Variants in ABLIM1 observed in about 807,000 individuals in gnomAD.
ABLIM1 encodes actin-binding LIM protein 1.
ABLIM1 carries 40 observed loss-of-function variants against 107.0 expected under a neutral mutation model. The ratio of observed to expected loss-of-function variants is 0.37; its 90% confidence interval spans 0.29 to 0.49. The LOEUF (loss-of-function observed/expected upper bound fraction) is 0.49, where lower values mean the gene tolerates loss of function less well. Ranked by LOEUF, ABLIM1 falls within the 20% of genes least tolerant of loss-of-function variation. ABLIM1 has a pLI of 0.97. For synonymous variants in ABLIM1, 357 were observed against 357.3 expected (o/e 1.00, Z 0.01); for missense variants, 857 against 1,008.5 (o/e 0.85, Z 2.04).
At chr10:114,717,411 A>G (rs1408172745) in intron 1 of ABLIM1, among the ~76,000 whole-genome samples, 1 of 152,200 alleles carries the variant, frequency 6.6e-6, no homozygotes, top group Non-Finnish European at 1.5e-5. Flanking sequence ...CAATTGCAGC[A>G]CTTTTGACAT....
intron 1 of ABLIM1, among the ~76,000 whole-genome samples, chr10:114,740,780 A>G (rs2082270988): frequency 1.3e-5 from 2 of 152,102 alleles, no homozygotes; most frequent in Non-Finnish European, 2.9e-5. Context: ...GTGGTGGCTC[A>G]TGCCTGTAAT....
chr10:114,480,636 C>T (rs1422020521), intron 8 of ABLIM1, among the ~76,000 whole-genome samples: 5 of 152,098 alleles, frequency 3.3e-5, no homozygotes, highest in South Asian at 4.2e-4. Flanking sequence ...TGGTAGTGAT[C>T]GCTCAGAGTA....
chr10:114,768,212 G>C (rs2082953562), upstream of ABLIM1: 1 of 163,556 alleles, frequency 6.1e-6, no homozygotes, highest in Non-Finnish European at 1.3e-5. Flanking sequence ...AGGACACCTG[G>C]CCGCCCGCTC....
chr10:114,483,174 C>T (rs990154148), intron 8 of ABLIM1, among the ~76,000 whole-genome samples: 7 of 152,162 alleles, frequency 4.6e-5, no homozygotes, highest in Admixed American at 6.5e-5. Context: ...CACGGGACAA[C>T]GCAAGGCACT....
intron 1 of ABLIM1, among the ~76,000 whole-genome samples, chr10:114,625,835 C>T (rs1427643313): frequency 6.6e-6 from 1 of 152,142 alleles, no homozygotes; most frequent in African/African-American, 2.4e-5. Flanking sequence ...TGATCTCTGA[C>T]CTCCTGTGAG....
At chr10:114,549,375 C>T (rs2137728032) in intron 4 of ABLIM1, among the ~76,000 whole-genome samples, 2 of 152,262 alleles carry the variant, frequency 1.3e-5, no homozygotes, top group East Asian at 3.9e-4. Flanking sequence ...AAGAACGAAG[C>T]TCCGTCTCAA....
At chr10:114,525,555 G>A (rs2064564242) in intron 6 of ABLIM1, among the ~76,000 whole-genome samples, 1 of 152,236 alleles carries the variant, frequency 6.6e-6, no homozygotes, top group African/African-American at 2.4e-5. Flanking sequence ...CCAATGAGCC[G>A]TGGCAAATTC....
chr10:114,510,643 A>T (rs941743423), intron 6 of ABLIM1, among the ~76,000 whole-genome samples: 1 of 123,632 alleles, frequency 8.1e-6, no homozygotes, highest in Non-Finnish European at 1.6e-5. Context: ...TTTTATTTTT[A>T]TTTTATTTTA....
intron 1 of ABLIM1, among the ~76,000 whole-genome samples, chr10:114,750,958 A>T (rs2082497403): frequency 6.6e-6 from 1 of 152,232 alleles, no homozygotes; most frequent in South Asian, 2.1e-4. Flanking sequence ...AGGATTCTGA[A>T]GACTGAAGTG....
intron 4 of ABLIM1, among the ~76,000 whole-genome samples, chr10:114,554,800 G>A (rs1313937989): frequency 6.6e-6 from 1 of 152,162 alleles, no homozygotes; most frequent in Non-Finnish European, 1.5e-5. Flanking sequence ...TCCCCTGTGT[G>A]TCTTGGCCTA....
At chr10:114,542,853 G>T (rs1008509842) in intron 6 of ABLIM1, among the ~76,000 whole-genome samples, 1 of 152,170 alleles carries the variant, frequency 6.6e-6, no homozygotes, top group East Asian at 1.9e-4. Flanking sequence ...GGACCGCTCG[G>T]ACTCCAAGCT....
At chr10:114,524,373 G>A (rs911987892) in intron 6 of ABLIM1, among the ~76,000 whole-genome samples, 1 of 152,122 alleles carries the variant, frequency 6.6e-6, no homozygotes, top group Admixed American at 6.6e-5. Context: ...TGACTTCATC[G>A]TTATCTGTAA....
chr10:114,724,425 T>G (rs2081914546), intron 1 of ABLIM1, among the ~76,000 whole-genome samples: 1 of 152,100 alleles, frequency 6.6e-6, no homozygotes, highest in African/African-American at 2.4e-5. Flanking sequence ...ATTCCTGAAA[T>G]TAGGTAAACT....
At chr10:114,690,580 A>C in intron 1 of ABLIM1, 1 of 962,300 alleles carries the variant, frequency 1.0e-6, no homozygotes, top group South Asian at 1.3e-5. Flanking sequence ...AGCTCAAAGG[A>C]GATGCAGCCC....
At chr10:114,626,769 C>G (rs2077834567) in intron 1 of ABLIM1, among the ~76,000 whole-genome samples, 1 of 152,146 alleles carries the variant, frequency 6.6e-6, no homozygotes. Context: ...AGGGTCTTTA[C>G]AGTGGTGACC....
chr10:114,524,858 G>A (rs967401288), intron 6 of ABLIM1, among the ~76,000 whole-genome samples: 4 of 152,234 alleles, frequency 2.6e-5, no homozygotes, highest in African/African-American at 9.6e-5. Flanking sequence ...TTCCCAAGAT[G>A]TGATTTCAGA....
intron 6 of ABLIM1, among the ~76,000 whole-genome samples, chr10:114,541,722 A>G (rs1289385870): frequency 6.6e-6 from 1 of 152,256 alleles, no homozygotes; most frequent in East Asian, 1.9e-4. Flanking sequence ...CGGCCTTCAC[A>G]GAAACCTGAA....
At chr10:114,712,725 G>A (rs2081579346) in intron 1 of ABLIM1, among the ~76,000 whole-genome samples, 1 of 152,130 alleles carries the variant, frequency 6.6e-6, no homozygotes, top group Non-Finnish European at 1.5e-5. Context: ...GAACAACTCT[G>A]GTACAAAATG....
At chr10:114,691,258 G>C (rs1472918289) in intron 1 of ABLIM1, among the ~76,000 whole-genome samples, 2 of 152,134 alleles carry the variant, frequency 1.3e-5, no homozygotes, top group African/African-American at 4.8e-5. Flanking sequence ...GCTTCTTCTT[G>C]TAGCTCTGCT....
Sources: allele counts gnomAD v4.1 joint callset (sites outside exome capture counted in the v4.1 genomes callset), GRCh38; gene constraint gnomAD v4.1.1; transcripts MANE v1.5; gene names NCBI Gene and HGNC (gene_info 2026-07-23, HGNC 2026-07-21).